The following HMCN1 variants were observed in gnomAD, a reference collection of about 807,000 sequenced individuals.
HMCN1 encodes the protein hemicentin-1.
A neutral mutation model predicts 625.9 loss-of-function variants in HMCN1; 321 were observed. The observed-to-expected ratio is 0.51, with a 90% CI of 0.47 to 0.56. The LOEUF is 0.56. Ranked by LOEUF, HMCN1 falls within the 20% of genes least tolerant of loss-of-function variation. The pLI is 0.00. For synonymous variants in HMCN1, 2,425 were observed against 2,417.6 expected (o/e 1.00, Z -0.09); for missense variants, 6,588 against 6,887.3 (o/e 0.96, Z 1.54).
chr1:185,952,964 A>C lies in HMCN1; in HGVS notation c.1829-9554A>C, dbSNP rs576776430. Among the ~76,000 whole-genome samples, 3 of 151,430 alleles carry C rather than the reference A, an allele frequency of 2.0e-5. No homozygotes were observed. In the East Asian group the frequency reaches 5.8e-4, roughly 29 times the overall value. The stretch of plus-strand genomic sequence containing the variant: ...AGAGATAAGAGGTTGGGGTGCAGAA[A>C]TAAGGGATTGGGGCACAGGGATAAG... On this transcript the variant is annotated intron_variant, in intron 11 of 106. Coordinates refer to ENST00000271588, the MANE Select transcript of HMCN1 (RefSeq NM_031935.3).
At chr1:185,877,223 T>C (rs1332560593) in intron 4 of HMCN1, among the ~76,000 whole-genome samples, 2 of 151,688 alleles carry the variant, frequency 1.3e-5, no homozygotes, top group Admixed American at 1.3e-4. Context: ...CCTCTCTCCA[T>C]TGTATATTTT....
rs527587258 is a variant in HMCN1 at position 186,031,328 on chromosome 1, A to T, written c.5750-6606A>T. Among the ~76,000 whole-genome samples the T allele has an allele frequency of 2.0e-5, 3 of 152,110 alleles. No individual in the cohort carries two copies. In the East Asian group the frequency reaches 5.8e-4, roughly 29 times the overall value. On this transcript the variant is annotated intron_variant, in intron 36 of 106. Transcript: ENST00000271588. ...GTAGTCATTTTCTTTCAGCACTTTG[A>T]GTATGTCATCCTACTACCTTCTGGC... is the stretch of plus-strand genomic sequence containing the variant.
At chr1:186,125,326 C>G (rs1333150316) in intron 81 of HMCN1, among the ~76,000 whole-genome samples, 1 of 151,998 alleles carries the variant, frequency 6.6e-6, no homozygotes, top group Non-Finnish European at 1.5e-5. Flanking sequence ...TCAGGGAAGC[C>G]AAATAAAATC....
At chr1:186,146,641 C>T (rs1345006181) in intron 93 of HMCN1, among the ~76,000 whole-genome samples, 2 of 152,152 alleles carry the variant, frequency 1.3e-5, no homozygotes, top group African/African-American at 4.8e-5. Context: ...GAGAGATTTA[C>T]ATTTAAAAAT....
intron 30 of HMCN1, among the ~76,000 whole-genome samples, chr1:186,010,910 T>G (rs1334367271): frequency 6.6e-6 from 1 of 152,230 alleles, no homozygotes; most frequent in Admixed American, 6.5e-5. Context: ...GATAGTTTTT[T>G]TAAATTATAA....
chr1:185,750,700 T>G (rs529247080), intron 1 of HMCN1, among the ~76,000 whole-genome samples: 3 of 152,298 alleles, frequency 2.0e-5, no homozygotes, highest in Non-Finnish European at 4.4e-5. Context: ...ATAGTCAAAT[T>G]TAATCCTGTT....
chr1:185,937,884 AT>A, intron 11 of HMCN1, among the ~76,000 whole-genome samples: 2 of 103,912 alleles, frequency 1.9e-5, no homozygotes, highest in African/African-American at 1.3e-4. Context: ...CCATCTCAAA[AT>A]AATAATAATA....
chr1:185,818,602 A>G (rs57775662), intron 1 of HMCN1, among the ~76,000 whole-genome samples: 8,906 of 152,204 alleles, frequency 0.059, 883 homozygotes, highest in African/African-American at 0.2. Flanking sequence ...ATGGATTTTT[A>G]TTAACCCTGA....
At chr1:185,948,028 G>A (rs571178987) in intron 11 of HMCN1, among the ~76,000 whole-genome samples, 1 of 152,294 alleles carries the variant, frequency 6.6e-6, no homozygotes, top group African/African-American at 2.4e-5. Flanking sequence ...ACACTGTTAG[G>A]ATGGGATATA....
chr1:185,847,332 C>G (rs552688422), intron 2 of HMCN1, among the ~76,000 whole-genome samples: 2 of 152,170 alleles, frequency 1.3e-5, no homozygotes, highest in African/African-American at 4.8e-5. Flanking sequence ...CAAATGGACT[C>G]TTAATACTCC....
chr1:185,881,904 T>C (rs188104025), intron 4 of HMCN1, among the ~76,000 whole-genome samples: 2 of 152,336 alleles, frequency 1.3e-5, no homozygotes, highest in African/African-American at 2.4e-5. Flanking sequence ...TTCAAAAGTA[T>C]TTTGAGAAGT....
intron 4 of HMCN1, among the ~76,000 whole-genome samples, chr1:185,870,569 T>A (rs1663549193): frequency 6.6e-6 from 1 of 152,120 alleles, no homozygotes. Context: ...ATTTTTTAAA[T>A]TTTTGTGGGT....
rs748563747 is a variant in HMCN1, at chr1:186,088,154, G to C, written c.9455G>C (p.Ser3152Thr). ...TGTTTGTTTTTTACAGTGCCACCCA[G>C]TATTGAAGGACCTGAAAGAGAAGTG... ...NFHLNVYVPP[S>T]IEGPEREVIV... Residue 3152 changes from serine to threonine, a missense_variant, in exon 62 of 107, where the codon AGT becomes ACT. By Grantham distance (58) the Ser-to-Thr change is moderately conservative (BLOSUM62 1). Transcript: ENST00000271588. The C allele has an allele frequency of 4.4e-6, 7 of 1,608,514 alleles. No homozygotes were observed. The highest frequency in any genetic ancestry group is 1.7e-5 in the Admixed American group (1 of 59,140).
intron 14 of HMCN1, among the ~76,000 whole-genome samples, chr1:185,968,091 A>G (rs1250714975): frequency 6.6e-6 from 1 of 152,190 alleles, no homozygotes; most frequent in East Asian, 1.9e-4. Flanking sequence ...TGTTGTTCCT[A>G]AAATGTGGTT....
chr1:186,119,329 C>A, intron 78 of HMCN1, 31 bp downstream of exon 78: 1 of 1,543,246 alleles, frequency 6.5e-7, no homozygotes, highest in South Asian at 1.1e-5. Flanking sequence ...ATTCAAAGTT[C>A]GCTGGGTTTG....
intron 1 of HMCN1, among the ~76,000 whole-genome samples, chr1:185,830,472 G>C (rs1020509601): frequency 6.6e-6 from 1 of 152,118 alleles, no homozygotes; most frequent in Non-Finnish European, 1.5e-5. Context: ...CATATGGCTA[G>C]GCAGTTTTCC....
At chr1:186,127,686 C>T (rs1177195289) in intron 82 of HMCN1, among the ~76,000 whole-genome samples, 1 of 152,116 alleles carries the variant, frequency 6.6e-6, no homozygotes, top group Non-Finnish European at 1.5e-5. Context: ...CTTACCATTT[C>T]CTCTGATAGT....
intron 1 of HMCN1, among the ~76,000 whole-genome samples, chr1:185,781,336 G>T (rs61831532): frequency 7.9e-5 from 12 of 151,736 alleles, no homozygotes; most frequent in African/African-American, 2.9e-4. Flanking sequence ...GTTTTTTTGT[G>T]TCTCTATCTC....
rs1362459078 is a variant in HMCN1 at position 185,889,441 on chromosome 1, T to G, written c.622-19896T>G. Among the ~76,000 whole-genome samples, 2 of 146,874 alleles carry G rather than the reference T, an allele frequency of 1.4e-5. 1 individual carries two copies. The highest frequency in any genetic ancestry group is 5.5e-5 in the African/African-American group (2 of 36,272). On this transcript the variant is annotated intron_variant, in intron 4 of 106. Coordinates refer to ENST00000271588, the MANE Select transcript of HMCN1 (RefSeq NM_031935.3). ...TGTCCATTCAGTATGATACTGGCTG[T>G]GGGTTTGTCATAGATAGCTCTTATT... is the stretch of plus-strand genomic sequence containing the variant.
Sources: gnomAD v4.1 joint callset for allele counts (sites outside exome capture counted in the v4.1 genomes callset) on GRCh38, gnomAD v4.1.1 for gene constraint, MANE v1.5 for transcripts, NCBI Gene and HGNC (gene_info 2026-07-23, HGNC 2026-07-21) for gene names.